DCC: variants seen among roughly 807,000 people sequenced by gnomAD.
The protein encoded by DCC is netrin receptor DCC.
A neutral mutation model predicts 172.5 loss-of-function variants in DCC; 58 were observed. The ratio of observed to expected loss-of-function variants is 0.34; its 90% CI spans 0.27 to 0.42. DCC has a LOEUF of 0.42. Among genes scored for constraint, DCC ranks in the 10% least tolerant of loss-of-function variants. The probability of loss-of-function intolerance (pLI) is 1.00; values close to 1 mark genes in which losing one functional copy is unlikely to be tolerated. For synonymous variants in DCC, 709 were observed against 644.5 expected (o/e 1.10, Z -1.52); for missense variants, 1,740 against 1,791.0 (o/e 0.97, Z 0.51).
At chr18:52,521,773 G>C (rs1332966983) in intron 1 of DCC, among the ~76,000 whole-genome samples, 2 of 152,138 alleles carry the variant, frequency 1.3e-5, no homozygotes, top group Non-Finnish European at 2.9e-5. Flanking sequence ...TTAATAAACA[G>C]CAGCTTTCTC....
At chr18:52,504,812 T>A (rs962477649) in intron 1 of DCC, among the ~76,000 whole-genome samples, 3 of 151,962 alleles carry the variant, frequency 2.0e-5, no homozygotes, top group Non-Finnish European at 4.4e-5. Flanking sequence ...AACCTCAGCC[T>A]GCTTCTCCAG....
intron 13 of DCC, among the ~76,000 whole-genome samples, chr18:53,316,475 T>C (rs895095064): frequency 1.3e-5 from 2 of 152,066 alleles, no homozygotes; most frequent in Admixed American, 6.5e-5. Flanking sequence ...AGAAGTTTTT[T>C]TTTTTCTAAT....
chr18:53,320,658 A>G (rs897276765), intron 13 of DCC, among the ~76,000 whole-genome samples: 1 of 152,214 alleles, frequency 6.6e-6, no homozygotes, highest in African/African-American at 2.4e-5. Flanking sequence ...TCTCTTTGCC[A>G]TCTTGTTGAT....
intron 7 of DCC, among the ~76,000 whole-genome samples, chr18:53,091,265 C>T (rs904921651): frequency 1.3e-4 from 20 of 150,128 alleles, no homozygotes; most frequent in Non-Finnish European, 2.4e-4. Flanking sequence ...AAACCCTGGG[C>T]GAATGATAAA....
At chr18:53,361,713 G>T (rs2057949919) in intron 15 of DCC, among the ~76,000 whole-genome samples, 1 of 152,106 alleles carries the variant, frequency 6.6e-6, no homozygotes, top group South Asian at 2.1e-4. Flanking sequence ...TTGTAATGTG[G>T]CAAGGTTTTT....
At position 52,969,584 on chromosome 18, in the gene DCC, ACTCTCTCTCT is replaced by A. The variant is rs56024197; in HGVS notation, c.985+44243_985+44252del. ...AATTTCCTTATTTGCCCCGCCCCCC[ACTCTCTCTCT>A]CTCTCTCTCTCTCTCTCTCTCTCTC... On this transcript the variant is annotated intron_variant, in intron 5 of 28. Transcript: ENST00000442544. 2.1e-3 allele frequency among the ~76,000 whole-genome samples: 249 copies of A among 119,502 alleles called. 2 individuals are homozygous for A. Among genetic ancestry groups the A allele is most frequent in the East Asian group, 4.6e-3 (18 of 3,910 alleles). 78.4% of individuals were successfully genotyped at this position (119,502 alleles called of 152,430 possible).
intron 1 of DCC, among the ~76,000 whole-genome samples, chr18:52,684,827 C>T (rs1457511381): frequency 6.6e-6 from 1 of 152,116 alleles, no homozygotes; most frequent in South Asian, 2.1e-4. Context: ...ACTAATGACA[C>T]AAATCATAGT....
intron 8 of DCC, among the ~76,000 whole-genome samples, chr18:53,174,967 G>C (rs1428213307): frequency 1.3e-5 from 2 of 152,092 alleles, no homozygotes; most frequent in African/African-American, 2.4e-5. Context: ...ACATCAAAAA[G>C]CTTATTCACC....
At chr18:53,182,502 C>A (rs1271338587) in intron 9 of DCC, among the ~76,000 whole-genome samples, 1 of 152,152 alleles carries the variant, frequency 6.6e-6, no homozygotes, top group African/African-American at 2.4e-5. Flanking sequence ...TCAGAATATC[C>A]TTTACATGTG....
intron 5 of DCC, among the ~76,000 whole-genome samples, chr18:52,969,639 GTC>G (rs749335736): frequency 3.7e-5 from 5 of 134,718 alleles, no homozygotes; most frequent in African/African-American, 5.8e-5. Context: ...GACTCTCTGT[GTC>G]TCTCTCTCTC....
intron 7 of DCC, among the ~76,000 whole-genome samples, chr18:53,091,415 C>T (rs1003841961): frequency 4.7e-5 from 7 of 147,686 alleles, no homozygotes; most frequent in Non-Finnish European, 7.4e-5. Flanking sequence ...TGTATATATA[C>T]ACACACACAC....
chr18:52,988,203 G>A (rs1423207375), intron 5 of DCC, among the ~76,000 whole-genome samples: 2 of 151,996 alleles, frequency 1.3e-5, no homozygotes, highest in African/African-American at 4.8e-5. Flanking sequence ...TAGCTTGCCA[G>A]GTTGGAAAAC....
At chr18:53,068,716 G>T (rs1448208107) in intron 7 of DCC, among the ~76,000 whole-genome samples, 2 of 151,072 alleles carry the variant, frequency 1.3e-5, no homozygotes, top group East Asian at 2.0e-4. Flanking sequence ...GGTTGTCATG[G>T]TATTTTCTCT....
chr18:53,238,391 A>T (rs1413287659), intron 12 of DCC, among the ~76,000 whole-genome samples: 7 of 152,198 alleles, frequency 4.6e-5, no homozygotes. Context: ...ATGAGACATT[A>T]ATCTTTTAGT....
At chr18:52,667,390 G>A (rs771725483) in intron 1 of DCC, among the ~76,000 whole-genome samples, 8 of 152,282 alleles carry the variant, frequency 5.3e-5, no homozygotes, top group African/African-American at 4.8e-5. Context: ...TTTGAAACTT[G>A]CCTTCCAACC....
At chr18:52,616,626 A>G (rs1598960251) in intron 1 of DCC, among the ~76,000 whole-genome samples, 1 of 152,296 alleles carries the variant, frequency 6.6e-6, no homozygotes. Flanking sequence ...GTCTATTAAA[A>G]CTATATACTA....
In DCC at chr18:53,005,324, T is replaced by C. The variant is rs2041628090; in HGVS notation, c.986-57981T>C. The stretch of plus-strand genomic sequence containing the variant: ...AATAACTCATTCCCACTCCCATCTT[T>C]TTCACTTTATATTATAGGTAAGTAA... On this transcript the variant is annotated intron_variant, in intron 5 of 28. Transcript: ENST00000442544. Among the ~76,000 whole-genome samples, 8 of 152,318 alleles carry C rather than the reference T, an allele frequency of 5.3e-5. No homozygotes were observed. The South Asian group carries it at 1.7e-3, about 32-fold the overall frequency.
chr18:53,527,580 A>T (rs1391213506), intron 28 of DCC, among the ~76,000 whole-genome samples: 1 of 152,034 alleles, frequency 6.6e-6, no homozygotes, highest in African/African-American at 2.4e-5. Flanking sequence ...AAAAAATAAG[A>T]AGGGAAAGTT....
intron 1 of DCC, among the ~76,000 whole-genome samples, chr18:52,434,857 G>A (rs947284906): frequency 1.3e-5 from 2 of 152,012 alleles, no homozygotes; most frequent in East Asian, 1.9e-4. Context: ...CTGCAGTTTC[G>A]ATAACATTGT....
Sources: gnomAD v4.1 joint callset for allele counts (sites outside exome capture counted in the v4.1 genomes callset) on GRCh38, gnomAD v4.1.1 for gene constraint, MANE v1.5 for transcripts, NCBI Gene and HGNC (gene_info 2026-07-23, HGNC 2026-07-21) for gene names.